FMO5: variants seen among roughly 807,000 people sequenced by gnomAD.
FMO5 encodes the protein flavin containing dimethylaniline monoxygenase 5, also known as flavin-containing monooxygenase 5.
In FMO5, 51 loss-of-function variants were observed where a neutral mutation model predicts 43.6. The ratio of observed to expected loss-of-function variants is 1.17; its 90% CI spans 0.93 to 1.48. The LOEUF is 1.48. Among genes scored for constraint, FMO5 ranks in the 40% most tolerant of loss-of-function variants. The probability of loss-of-function intolerance (pLI) is 0.00; values close to 1 mark genes in which losing one functional copy is unlikely to be tolerated. For synonymous variants in FMO5, 187 were observed against 216.5 expected (o/e 0.86, Z 1.20); for missense variants, 644 against 643.0 (o/e 1.00, Z -0.02).
chr1:147,191,264 C>T lies in FMO5; in HGVS notation c.1184-1015G>A, dbSNP rs587718200. On this transcript the variant is annotated intron_variant, in intron 7 of 8. Coordinates refer to ENST00000254090, the MANE Select transcript of FMO5 (RefSeq NM_001461.4). ...GATTCCTGAGGAATCGCCACAGTGA[C>T]TTCCACAATGGTTGAACTAGTTTAC... Among the ~76,000 whole-genome samples, 8 of 152,226 alleles carry T rather than the reference C, an allele frequency of 5.3e-5. No individual in the cohort carries two copies. In the South Asian group the frequency reaches 1.7e-3, roughly 32 times the overall value.
chr1:147,202,103 CA>C (rs1659073140), intron 6 of FMO5, among the ~76,000 whole-genome samples: 1 of 152,158 alleles, frequency 6.6e-6, no homozygotes, highest in South Asian at 2.1e-4. Flanking sequence ...CAATGATACA[CA>C]GCCTAGGATT....
intron 7 of FMO5, among the ~76,000 whole-genome samples, chr1:147,195,917 G>T (rs1559642773): frequency 6.6e-6 from 1 of 152,014 alleles, no homozygotes; most frequent in Non-Finnish European, 1.5e-5. Flanking sequence ...ATAATTATTT[G>T]ACTGCTCTGG....
intron 7 of FMO5, among the ~76,000 whole-genome samples, chr1:147,190,520 AG>A: frequency 6.6e-6 from 1 of 152,214 alleles, no homozygotes; most frequent in East Asian, 1.9e-4. Flanking sequence ...GTAGTCTTTC[AG>A]TTGGGAAATG....
chr1:147,201,738 T>G (rs1408458002), intron 6 of FMO5, among the ~76,000 whole-genome samples: 2 of 151,894 alleles, frequency 1.3e-5, no homozygotes, highest in Non-Finnish European at 2.9e-5. Flanking sequence ...GAAGGAAGAG[T>G]GTTGTTTGAG....
chr1:147,224,953 C>T lies in FMO5; in HGVS notation c.77G>A (p.Gly26Asp), dbSNP rs587621484. 75 of 1,614,082 alleles carry T rather than the reference C, an allele frequency of 4.6e-5. 1 individual carries two copies. The South Asian group carries it at 7.7e-4, about 17-fold the overall frequency. The change falls in exon 2 of 9, where the codon GGC becomes GAC. Residue 26 changes from glycine to aspartate, a missense_variant. By Grantham distance (94) the Gly-to-Asp change is moderately conservative. Coordinates refer to ENST00000254090, the MANE Select transcript of FMO5 (RefSeq NM_001461.4). ...LSSIKCCVEE[G>D]LEPVCFERTD... ...CCTTTCAAAGCAGACAGGTTCCAAG[C>T]CTTCTTCTACGCAGCACTTGATGGA...
intron 6 of FMO5, chr1:147,203,790 C>T (rs587714993): frequency 7.8e-6 from 12 of 1,545,594 alleles, no homozygotes; most frequent in Non-Finnish European, 1.1e-5. Context: ...ATCAGATTGT[C>T]TGTAGAGCCC....
At chr1:147,188,248 C>T (rs782602278) in intron 8 of FMO5, among the ~76,000 whole-genome samples, 7 of 152,066 alleles carry the variant, frequency 4.6e-5, no homozygotes, top group Non-Finnish European at 8.8e-5. Context: ...TGAGGTTGGG[C>T]GTGGTGTTTC....
intron 6 of FMO5, among the ~76,000 whole-genome samples, chr1:147,201,851 C>T (rs1427687490): frequency 6.6e-6 from 1 of 152,160 alleles, no homozygotes; most frequent in Non-Finnish European, 1.5e-5. Context: ...TCTGACAGAA[C>T]TAAGCTGTCA....
intron 6 of FMO5, chr1:147,204,613 A>G (rs369069755): frequency 8.2e-6 from 13 of 1,592,598 alleles, no homozygotes; most frequent in East Asian, 2.2e-5. Context: ...AGCTCCGGCA[A>G]ATACCAGAAC....
Position 147,215,830 on chromosome 1 carries a change from A to T in FMO5, c.248T>A (p.Met83Lys). Residue 83 changes from methionine (M) to lysine (K), a missense_variant, in exon 3 of 9, where the codon ATG becomes AAG. Coordinates refer to ENST00000254090, the MANE Select transcript of FMO5 (RefSeq NM_001461.4). ...YPIPDHYPNF[M>K]HNAQVLEYFR... is the part of the protein sequence containing the mutation. ...ATACTCCAGGACCTGGGCATTATGC[A>T]TGAAGTTGGGATAATGATCTGGGAT... 1 of 1,613,614 alleles carries T rather than the reference A, an allele frequency of 6.2e-7. No individual in the cohort carries two copies. Among genetic ancestry groups the T allele is most frequent in the Non-Finnish European group, 8.5e-7 (1 of 1,179,512 alleles).
intron 7 of FMO5, among the ~76,000 whole-genome samples, chr1:147,192,443 C>T (rs1281429663): frequency 6.6e-6 from 1 of 152,108 alleles, no homozygotes; most frequent in Non-Finnish European, 1.5e-5. Flanking sequence ...GATATACAAT[C>T]ATGTCGTCTG....
rs1553924152 is a variant in FMO5 at position 147,213,316 on chromosome 1, C to A, written c.479G>T (p.Ser160Ile). Residue 160 changes from serine to isoleucine, a missense_variant, in exon 4 of 9, where the codon AGC (serine) becomes ATC (isoleucine). Coordinates refer to ENST00000254090, the MANE Select transcript of FMO5 (RefSeq NM_001461.4). The stretch of plus-strand genomic sequence containing the variant: ...CCTGGTAAGCTGCTCACCAGGGAAG[C>A]TTTCCAGAGGTAGATGAGCATTGGT... ...HHTNAHLPLESFPGIEKFKGQ... is the reference protein window; with the variant it reads ...HHTNAHLPLEIFPGIEKFKGQ... The A allele has an allele frequency of 2.5e-6, 4 of 1,606,292 alleles. No homozygotes were observed. The highest frequency in any genetic ancestry group is 3.4e-5 in the Admixed American group (2 of 59,394).
At chr1:147,222,147 A>G (rs1291403418) in intron 2 of FMO5, among the ~76,000 whole-genome samples, 1 of 152,166 alleles carries the variant, frequency 6.6e-6, no homozygotes, top group African/African-American at 2.4e-5. Flanking sequence ...AGGTGAGCAG[A>G]TCACTTGAGG....
chr1:147,198,872 A>AAAAAAAAG (rs1553920319), intron 7 of FMO5, among the ~76,000 whole-genome samples: 10 of 144,664 alleles, frequency 6.9e-5, no homozygotes, highest in South Asian at 2.3e-4. Flanking sequence ...AAAAAAAAAA[A>AAAAAAAAG]AAAGAAAGAA....
intron 3 of FMO5, among the ~76,000 whole-genome samples, chr1:147,213,696 C>A (rs1393397193): frequency 2.6e-5 from 4 of 152,176 alleles, no homozygotes; most frequent in African/African-American, 9.7e-5. Flanking sequence ...AATGTACCCT[C>A]CTCTTCTAGA....
intron 7 of FMO5, among the ~76,000 whole-genome samples, chr1:147,196,422 A>G (rs1490411402): frequency 6.6e-6 from 1 of 152,040 alleles, no homozygotes; most frequent in Non-Finnish European, 1.5e-5. Context: ...TTTTACTTCT[A>G]TTAGCTAGAA....
upstream of FMO5, among the ~76,000 whole-genome samples, chr1:147,226,873 C>T (rs1664018013): frequency 1.3e-5 from 2 of 151,268 alleles, no homozygotes; most frequent in South Asian, 4.2e-4. Flanking sequence ...CACTCTGGCA[C>T]TTGGGCTGGA....
intron 6 of FMO5, chr1:147,205,070 A>G (rs1426215560): frequency 4.8e-6 from 3 of 622,692 alleles, no homozygotes; most frequent in Non-Finnish European, 8.5e-6. Flanking sequence ...ACCAGACTAC[A>G]TGCAAGTCCT....
chr1:147,225,909 G>GACTCCT (rs1553927676), upstream of FMO5: 1 of 152,210 alleles, frequency 6.6e-6, no homozygotes, highest in Non-Finnish European at 1.5e-5. Context: ...ACAACTTTAA[G>GACTCCT]GGGTCCACGT....
Sources: allele counts gnomAD v4.1 joint callset (sites outside exome capture counted in the v4.1 genomes callset), GRCh38; gene constraint gnomAD v4.1.1; transcripts MANE v1.5; gene names NCBI Gene and HGNC (gene_info 2026-07-23, HGNC 2026-07-21).